SIPA1L2: variants seen among roughly 807,000 people sequenced by gnomAD.
The protein encoded by SIPA1L2 is signal-induced proliferation-associated 1-like protein 2.
SIPA1L2 carries 56 observed loss-of-function variants against 163.9 expected under a neutral mutation model. That is an observed-to-expected ratio of 0.34 (90% CI 0.28 to 0.43). The LOEUF is 0.43. SIPA1L2 is among the 20% of genes least tolerant of loss of function. The pLI, the probability that SIPA1L2 is intolerant of heterozygous loss-of-function variation, is 1.00. For synonymous variants in SIPA1L2, 877 were observed against 865.7 expected, an observed-to-expected ratio of 1.01 and a Z score of -0.23; for missense variants, 1,974 against 2,193.5, an observed-to-expected ratio of 0.90 and a Z score of 2.00.
Position 232,495,564 on chromosome 1 carries a change from C to CAA in SIPA1L2, c.1484-1906_1484-1905dup, listed in dbSNP as rs386369969. Among the ~76,000 whole-genome samples, 4,266 of 100,290 alleles carry CAA rather than the reference C, an allele frequency of 0.043. 640 individuals carry two copies. The East Asian group carries it at 0.52, about 12-fold the overall frequency. 65.8% of individuals were successfully genotyped at this position (100,290 alleles called of 152,430 possible). A position where few individuals can be genotyped will look rare whatever the true frequency, so the allele number is the denominator to read the frequency against. On this transcript the variant is annotated intron_variant, in intron 3 of 22. Coordinates refer to ENST00000674635, the MANE Select transcript of SIPA1L2 (RefSeq NM_020808.5). ...TGGGTGACAGAGCAAGACTCCGTCTCAAAAAAAAAAAAAAAAAGATGAAAG... is the reference window on the plus strand; with the variant it reads ...TGGGTGACAGAGCAAGACTCCGTCTCAAAAAAAAAAAAAAAAAAAGATGAAAG...
intron 2 of SIPA1L2, among the ~76,000 whole-genome samples, chr1:232,557,377 G>C (rs1046042846): frequency 6.6e-6 from 1 of 152,122 alleles, no homozygotes; most frequent in Non-Finnish European, 1.5e-5. Context: ...ACATACAGCA[G>C]GGGTAGGTGT....
At chr1:232,456,486 G>C (rs993376505) in intron 10 of SIPA1L2, among the ~76,000 whole-genome samples, 1 of 151,988 alleles carries the variant, frequency 6.6e-6, no homozygotes, top group African/African-American at 2.4e-5. Flanking sequence ...TGTCAACAAA[G>C]TATGAAAAAA....
intron 2 of SIPA1L2, among the ~76,000 whole-genome samples, chr1:232,525,822 C>T (rs1427430902): frequency 1.3e-5 from 2 of 152,154 alleles, no homozygotes; most frequent in African/African-American, 4.8e-5. Context: ...GAAGATTTAA[C>T]ACCACAGATG....
intron 2 of SIPA1L2, among the ~76,000 whole-genome samples, chr1:232,525,587 A>C (rs1667666003): frequency 6.6e-6 from 1 of 152,138 alleles, no homozygotes; most frequent in East Asian, 1.9e-4. Flanking sequence ...ATATTTTCAC[A>C]GGCCTTACAC....
intron 1 of SIPA1L2, among the ~76,000 whole-genome samples, chr1:232,581,963 T>G (rs543339662): frequency 6.6e-6 from 1 of 152,354 alleles, no homozygotes; most frequent in East Asian, 1.9e-4. Context: ...ATACTACTTG[T>G]ACCTTTTGCT....
At chr1:232,519,283 A>G (rs1573017902) in intron 2 of SIPA1L2, among the ~76,000 whole-genome samples, 2 of 152,298 alleles carry the variant, frequency 1.3e-5, no homozygotes, top group East Asian at 3.9e-4. Context: ...GCCCATTCCC[A>G]AACATGGTAG....
chr1:232,425,813 G>T lies in SIPA1L2; in HGVS notation c.4411-5C>A, dbSNP rs779597960. On this transcript the variant is annotated splice_polypyrimidine_tract_variant and splice_region_variant and intron_variant, in intron 17 of 22. Transcript: ENST00000674635. ...CAGGTTCCCATAGAACGAAAACTAG[G>T]GTTTAAACAAGGTGCGAGGAGGGAA... 1.1e-5 allele frequency: 18 copies of T among 1,612,192 alleles called. No homozygotes were observed. The highest frequency in any genetic ancestry group is 1.5e-5 in the Non-Finnish European group (18 of 1,178,844).
chr1:232,439,611 T>A (rs1662770577), intron 14 of SIPA1L2, 115 bp from the exon 15 acceptor site: 1 of 1,223,402 alleles, frequency 8.2e-7, no homozygotes, highest in Non-Finnish European at 1.1e-6. Flanking sequence ...TTCTACTCAC[T>A]CTTCAATGTG....
intron 2 of SIPA1L2, among the ~76,000 whole-genome samples, chr1:232,554,647 T>C (rs998505678): frequency 9.2e-5 from 14 of 152,270 alleles, no homozygotes; most frequent in East Asian, 3.8e-4. Context: ...CACACATATC[T>C]TGACACTGTC....
At chr1:232,613,370 T>C (rs189869512) in intron 1 of SIPA1L2, among the ~76,000 whole-genome samples, 76 of 152,320 alleles carry the variant, frequency 5.0e-4, no homozygotes, top group African/African-American at 1.8e-3. Flanking sequence ...ACTGACTTTT[T>C]AGAAGGCATC....
intron 3 of SIPA1L2, among the ~76,000 whole-genome samples, chr1:232,511,447 C>A (rs1251145497): frequency 6.6e-6 from 1 of 152,154 alleles, no homozygotes; most frequent in African/African-American, 2.4e-5. Flanking sequence ...CAGATCATTT[C>A]TCTGATTCAT....
In SIPA1L2 at chr1:232,461,939, C is replaced by A. The variant is rs548028483; in HGVS notation, c.2821-778G>T. Among the ~76,000 whole-genome samples, 6 of 152,294 alleles carry A rather than the reference C, an allele frequency of 3.9e-5. No individual in the cohort carries two copies. The South Asian group carries it at 1.2e-3, about 32-fold the overall frequency. On this transcript the variant is annotated intron_variant, in intron 9 of 22. Transcript: ENST00000674635. ...ACTCCTTGGCCATCTGTTCACAAGGCAAGTGTGTAGGATGGTGCTCTGGCA... is the reference window on the plus strand; with the variant it reads ...ACTCCTTGGCCATCTGTTCACAAGGAAAGTGTGTAGGATGGTGCTCTGGCA...
At chr1:232,443,991 A>T (rs1663059114) in intron 11 of SIPA1L2, among the ~76,000 whole-genome samples, 1 of 152,340 alleles carries the variant, frequency 6.6e-6, no homozygotes, top group East Asian at 1.9e-4. Context: ...GAAGAACAGC[A>T]ATACAATTTC....
intron 19 of SIPA1L2, among the ~76,000 whole-genome samples, chr1:232,407,691 G>T (rs1232966004): frequency 6.6e-6 from 1 of 152,200 alleles, no homozygotes; most frequent in Non-Finnish European, 1.5e-5. Flanking sequence ...AACTGGGGAA[G>T]TCTGGAAACC....
chr1:232,605,022 C>T (rs1037694009), intron 1 of SIPA1L2, among the ~76,000 whole-genome samples: 3 of 152,098 alleles, frequency 2.0e-5, no homozygotes, highest in Non-Finnish European at 2.9e-5. Context: ...AATGCAAGAA[C>T]TGACTTAATA....
chr1:232,594,252 G>A (rs1558291974), intron 1 of SIPA1L2, among the ~76,000 whole-genome samples: 1 of 152,204 alleles, frequency 6.6e-6, no homozygotes, highest in Admixed American at 6.5e-5. Context: ...AAAGGAGAGC[G>A]TTGCCACCAG....
chr1:232,471,618 G>A, intron 7 of SIPA1L2, 90 bp from the exon 8 acceptor site: 5 of 1,198,940 alleles, frequency 4.2e-6, no homozygotes, highest in Non-Finnish European at 5.5e-6. Context: ...TTGAAGGAGT[G>A]ATTTTTAAAA....
At chr1:232,490,658 C>G in intron 5 of SIPA1L2, 1 of 462,094 alleles carries the variant, frequency 2.2e-6, no homozygotes, top group Non-Finnish European at 3.7e-6. Flanking sequence ...TTGGTAATAA[C>G]AAAAAAAAAT....
chr1:232,445,688 G>C lies in SIPA1L2; in HGVS notation c.3194C>G (p.Thr1065Arg). 1 of 1,613,570 alleles carries C rather than the reference G, an allele frequency of 6.2e-7. No homozygotes were observed. Residue 1065 changes from threonine (T) to arginine (R), a missense_variant, in exon 11 of 23, where the codon ACG (threonine) becomes AGG (arginine). Thr to Arg is a moderately conservative substitution (Grantham distance 71). This residue lies in a region of SIPA1L2 where 1,079 missense variants were observed against 1,150.7 expected (regional missense o/e 0.94). Transcript: ENST00000674635. ...EYKTPFRRNTTWHRVPTPALQ... is the reference protein window; with the variant it reads ...EYKTPFRRNTRWHRVPTPALQ... ...GGCAGGAGTGGGCACCCGGTGCCAC[G>C]TGGTGTTCCTCCTGAAGGGGGTTTT...
Sources: allele counts gnomAD v4.1 joint callset (sites outside exome capture counted in the v4.1 genomes callset), GRCh38; gene constraint gnomAD v4.1.1; regional missense constraint gnomAD v4.1.1; transcripts MANE v1.5; gene names NCBI Gene and HGNC (gene_info 2026-07-23, HGNC 2026-07-21).